AGXT2: variants seen among roughly 807,000 people sequenced by gnomAD.
AGXT2 encodes the protein alanine--glyoxylate aminotransferase 2.
In AGXT2, 61 loss-of-function variants were observed where a neutral mutation model predicts 62.5. The observed-to-expected ratio is 0.98, with a 90% CI of 0.79 to 1.21. The LOEUF is 1.21. AGXT2 is among the 50% of genes most tolerant of loss of function. The pLI is 0.00. For synonymous variants in AGXT2, 243 were observed against 218.7 expected (o/e 1.11, Z -0.98); for missense variants, 666 against 641.5 (o/e 1.04, Z -0.41).
At chr5:35,016,570 C>T (rs191308160) in intron 9 of AGXT2, among the ~76,000 whole-genome samples, 8 of 152,286 alleles carry the variant, frequency 5.3e-5, no homozygotes, top group Admixed American at 1.3e-4. Flanking sequence ...CCCCCTCCCT[C>T]TTCCCCTTTC....
intron 6 of AGXT2, 76 bp from the exon 7 acceptor site, chr5:35,032,901 TCAAGA>T: frequency 8.3e-7 from 1 of 1,206,832 alleles, no homozygotes; most frequent in Non-Finnish European, 1.2e-6. Flanking sequence ...ATGGCTGCCA[TCAAGA>T]CAAGAGGGCT....
chr5:35,034,362 T>C (rs1767689580), intron 5 of AGXT2, among the ~76,000 whole-genome samples: 1 of 152,198 alleles, frequency 6.6e-6, no homozygotes, highest in African/African-American at 2.4e-5. Context: ...TCACAATTCT[T>C]TATTGTCATA....
chr5:35,004,461 A>C (rs941783988), intron 12 of AGXT2, among the ~76,000 whole-genome samples: 11 of 152,180 alleles, frequency 7.2e-5, no homozygotes, highest in African/African-American at 2.7e-4. Flanking sequence ...CCTGTGTCAG[A>C]TCCCCAGCCA....
At chr5:35,042,967 A>G (rs1768044043) in intron 1 of AGXT2, among the ~76,000 whole-genome samples, 1 of 152,178 alleles carries the variant, frequency 6.6e-6, no homozygotes, top group African/African-American at 2.4e-5. Context: ...AATTCACATG[A>G]GCAACTTGAG....
At chr5:35,000,698 G>C (rs1364426279) in intron 13 of AGXT2, among the ~76,000 whole-genome samples, 1 of 152,196 alleles carries the variant, frequency 6.6e-6, no homozygotes, top group Non-Finnish European at 1.5e-5. Context: ...CCCGTTAAAA[G>C]TCAGTGTTGT....
intron 9 of AGXT2, 145 bp downstream of exon 9, chr5:35,025,618 G>A: frequency 1.3e-6 from 1 of 792,906 alleles, no homozygotes; most frequent in Non-Finnish European, 2.1e-6. Flanking sequence ...CAGCCCACTA[G>A]CACAAATTTC....
chr5:35,027,066 C>G (rs34248297), intron 7 of AGXT2: 55,474 of 957,752 alleles, frequency 0.058, 1,765 homozygotes, highest in Non-Finnish European at 0.063. Flanking sequence ...GCCCTTGGCA[C>G]TTGGTCCTGT....
At chr5:35,042,736 CTGTGTGTGTGTG>C (rs66463119) in intron 1 of AGXT2, among the ~76,000 whole-genome samples, 11 of 142,484 alleles carry the variant, frequency 7.7e-5, no homozygotes, top group East Asian at 2.1e-4. Context: ...ATATGCATAC[CTGTGTGTGTGTG>C]TGTGTGTGTG....
Position 34,998,531 on chromosome 5 carries a change from G to A in AGXT2, c.*188C>T. The stretch of plus-strand genomic sequence containing the variant: ...AGGGAGATCCTTTCCCTGAAGAATG[G>A]AGTTCTCAAGATAAGAGGGGCTCTG... On this transcript the variant is annotated 3_prime_UTR_variant, in exon 14 of 14. Coordinates refer to ENST00000231420, the MANE Select transcript of AGXT2 (RefSeq NM_031900.4). 1 of 620,454 alleles carries A rather than the reference G, an allele frequency of 1.6e-6. No individual in the cohort carries two copies. Among genetic ancestry groups the A allele is most frequent in the Non-Finnish European group, 2.8e-6 (1 of 350,890 alleles). 38.4% of individuals were successfully genotyped at this position (620,454 alleles called of 1,614,324 possible). A position where few individuals can be genotyped will look rare whatever the true frequency, so the allele number is the denominator to read the frequency against.
chr5:35,039,255 A>G, intron 3 of AGXT2, 69 bp downstream of exon 3: 1 of 1,520,220 alleles, frequency 6.6e-7, no homozygotes, highest in Admixed American at 1.7e-5. Flanking sequence ...AAGAGTTCAG[A>G]GTCACTAACA....
At chr5:35,003,227 G>C (rs1766298242) in intron 13 of AGXT2, among the ~76,000 whole-genome samples, 1 of 152,166 alleles carries the variant, frequency 6.6e-6, no homozygotes, top group Admixed American at 6.5e-5. Context: ...TTTTGAGTTT[G>C]GCAATGGGGG....
chr5:35,001,424 T>TC (rs1387057834), intron 13 of AGXT2, among the ~76,000 whole-genome samples: 1 of 152,222 alleles, frequency 6.6e-6, no homozygotes, highest in Non-Finnish European at 1.5e-5. Context: ...CTGTCTCCAG[T>TC]CTTGTCCCCT....
chr5:35,044,876 A>G (rs74995644), intron 1 of AGXT2, among the ~76,000 whole-genome samples: 2,881 of 152,238 alleles, frequency 0.019, 98 homozygotes, highest in African/African-American at 0.066. Flanking sequence ...GGAGGGGTGT[A>G]GATGGGAGGC....
Position 35,039,401 on chromosome 5 carries a change from C to G in AGXT2, c.285G>C (p.Trp95Cys). ...PLLLHQGHMEWLFDAEGSRYL... is the reference protein window; with the variant it reads ...PLLLHQGHMECLFDAEGSRYL... ...ATCTGCTTCCTTCAGCATCAAAGAG[C>G]CACTCCATGTGCCCCTGGTGGAGCA... The change falls in exon 3 of 14, where the codon TGG becomes TGC. Residue 95 changes from tryptophan (W) to cysteine (C), a missense_variant. Transcript: ENST00000231420. The G allele has an allele frequency of 3.1e-6, 5 of 1,614,158 alleles. No individual in the cohort carries two copies. Among genetic ancestry groups the G allele is most frequent in the Non-Finnish European group, 3.4e-6 (4 of 1,179,978 alleles).
chr5:35,018,217 A>C lies in AGXT2; in HGVS notation c.964-4098T>G, dbSNP rs185030505. ...GCCAACATTCAGATTCAGGAAATAC[A>C]GAGAATGTCACAAAGATACTCCTTG... On this transcript the variant is annotated intron_variant, in intron 9 of 13. Coordinates refer to ENST00000231420, the MANE Select transcript of AGXT2 (RefSeq NM_031900.4). Among the ~76,000 whole-genome samples the C allele has an allele frequency of 3.7e-4, 56 of 152,310 alleles. 1 individual carries two copies. The East Asian group carries it at 0.01, about 27-fold the overall frequency.
chr5:35,047,715 T>C, intron 1 of AGXT2, 90 bp downstream of exon 1: 1 of 1,518,468 alleles, frequency 6.6e-7, no homozygotes. Flanking sequence ...AGGTCTAACA[T>C]TCCAGAATCC....
intron 1 of AGXT2, among the ~76,000 whole-genome samples, chr5:35,043,185 T>A (rs1204812754): frequency 6.6e-6 from 1 of 152,126 alleles, no homozygotes; most frequent in Non-Finnish European, 1.5e-5. Context: ...AAAAATCAAA[T>A]TTTTTTGGCA....
intron 1 of AGXT2, 126 bp downstream of exon 1, chr5:35,047,679 C>T (rs1371437310): frequency 8.0e-7 from 1 of 1,246,776 alleles, no homozygotes; most frequent in Non-Finnish European, 1.1e-6. Context: ...GTGTCAAAAA[C>T]ATGCCTCATC....
chr5:35,029,686 AAAAC>A, intron 7 of AGXT2, among the ~76,000 whole-genome samples: 1 of 152,326 alleles, frequency 6.6e-6, no homozygotes, highest in African/African-American at 2.4e-5. Context: ...ATTTTTAAGA[AAAAC>A]AAAACTTGCC....
Sources: allele counts gnomAD v4.1 joint callset (sites outside exome capture counted in the v4.1 genomes callset), GRCh38; gene constraint gnomAD v4.1.1; transcripts MANE v1.5; gene names NCBI Gene and HGNC (gene_info 2026-07-23, HGNC 2026-07-21).